The following AXDND1 variants were observed in gnomAD, a reference collection of about 807,000 sequenced individuals.
The protein encoded by AXDND1 is axonemal dynein light chain domain containing 1.
In AXDND1, 110 loss-of-function variants were observed where a neutral mutation model predicts 137.5. The ratio of observed to expected loss-of-function variants is 0.80; its 90% CI spans 0.69 to 0.94. The LOEUF is 0.94. Ranked by LOEUF, AXDND1 falls within the 40% of genes least tolerant of loss-of-function variation. AXDND1 has a pLI of 0.00. For missense variants in AXDND1, 1,191 were observed against 1,169.8 expected, an observed-to-expected ratio of 1.02 and a Z score of -0.26; for synonymous variants, 414 against 399.7, an observed-to-expected ratio of 1.04 and a Z score of -0.43.
intron 17 of AXDND1, among the ~76,000 whole-genome samples, chr1:179,469,828 T>C (rs1427054405): frequency 1.3e-5 from 2 of 152,220 alleles, no homozygotes; most frequent in Non-Finnish European, 2.9e-5. Context: ...GTATTTTCTT[T>C]GAGGGAAATT....
intron 15 of AXDND1, among the ~76,000 whole-genome samples, chr1:179,439,767 C>T (rs1658718428): frequency 6.6e-6 from 1 of 152,182 alleles, no homozygotes; most frequent in Admixed American, 6.5e-5. Flanking sequence ...TCTTTGCACT[C>T]AGGCTCAGCT....
intron 16 of AXDND1, among the ~76,000 whole-genome samples, chr1:179,457,931 T>C (rs929002256): frequency 6.6e-6 from 1 of 152,232 alleles, no homozygotes; most frequent in African/African-American, 2.4e-5. Flanking sequence ...GCTGACATTC[T>C]GAAGTGAGGA....
intron 17 of AXDND1, among the ~76,000 whole-genome samples, chr1:179,475,024 A>G (rs1450047525): frequency 1.3e-5 from 2 of 151,808 alleles, no homozygotes; most frequent in Admixed American, 6.6e-5. Context: ...AGCTTGGGCC[A>G]TTGCTTCAAA....
chr1:179,444,833 A>G (rs1571862709), intron 15 of AXDND1, 137 bp from the exon 16 acceptor site: 2 of 545,484 alleles, frequency 3.7e-6, no homozygotes, highest in East Asian at 2.9e-5. Flanking sequence ...GTCATATACC[A>G]TCTCTTTGGA....
At chr1:179,443,646 C>T (rs1659316979) in intron 15 of AXDND1, among the ~76,000 whole-genome samples, 2 of 152,144 alleles carry the variant, frequency 1.3e-5, no homozygotes, top group South Asian at 4.1e-4. Flanking sequence ...TAAGTGGAAT[C>T]ATACAGTATT....
chr1:179,498,352 C>G (rs958531459), intron 20 of AXDND1, among the ~76,000 whole-genome samples: 3 of 151,982 alleles, frequency 2.0e-5, no homozygotes, highest in African/African-American at 7.2e-5. Flanking sequence ...TGGCTTCACA[C>G]CTACCAACCA....
At chr1:179,537,215 TG>T (rs1174707749) in intron 25 of AXDND1, among the ~76,000 whole-genome samples, 1 of 152,242 alleles carries the variant, frequency 6.6e-6, no homozygotes, top group Non-Finnish European at 1.5e-5. Flanking sequence ...TTCTCTTGCC[TG>T]ATTGCCCTGG....
At chr1:179,432,069 T>C (rs1657453771) in intron 14 of AXDND1, among the ~76,000 whole-genome samples, 198 bp from the exon 15 acceptor site, 3 of 152,206 alleles carry the variant, frequency 2.0e-5, no homozygotes, top group African/African-American at 7.2e-5. Flanking sequence ...ACTTGATTGC[T>C]CAGGTCTGAA....
chr1:179,502,339 C>T (rs966087477), intron 20 of AXDND1, among the ~76,000 whole-genome samples: 3 of 151,756 alleles, frequency 2.0e-5, no homozygotes, highest in African/African-American at 2.4e-5. Context: ...CCGAGGTGGG[C>T]GGATCACCTG....
At chr1:179,408,130 C>A (rs1472089211) in intron 11 of AXDND1, among the ~76,000 whole-genome samples, 1 of 151,960 alleles carries the variant, frequency 6.6e-6, no homozygotes, top group Non-Finnish European at 1.5e-5. Context: ...TTTTATGATA[C>A]CTGTCTCTGT....
At chr1:179,494,885 A>G (rs1464741583) in intron 20 of AXDND1, among the ~76,000 whole-genome samples, 1 of 152,240 alleles carries the variant, frequency 6.6e-6, no homozygotes, top group African/African-American at 2.4e-5. Context: ...TTTTAAAAAT[A>G]TGGTGCTGGG....
intron 17 of AXDND1, among the ~76,000 whole-genome samples, chr1:179,477,190 CT>C (rs141438500): frequency 0.03 from 4,502 of 151,914 alleles, 249 homozygotes; most frequent in African/African-American, 0.1. Context: ...TCATTTATTT[CT>C]TTTTTCCAAT....
chr1:179,534,263 CAGG>C (rs1321441768), intron 24 of AXDND1, among the ~76,000 whole-genome samples: 2 of 152,110 alleles, frequency 1.3e-5, no homozygotes, highest in African/African-American at 4.8e-5. Flanking sequence ...CTGGGGATGC[CAGG>C]AGAAGAGCGT....
chr1:179,430,521 CAA>C lies in AXDND1; in HGVS notation c.1403_1404del (p.Gln468ArgfsTer17). On this transcript the variant is annotated frameshift_variant, in exon 14 of 26. Coordinates refer to ENST00000367618, the MANE Select transcript of AXDND1 (RefSeq NM_144696.6). LOFTEE classifies it high-confidence loss of function. ...GAGAAACTTAGTGAATAAACTTAAACAAGAGGTAGAACAAATGGAAGAGTCTA... is the reference window on the plus strand; with the variant it reads ...GAGAAACTTAGTGAATAAACTTAAACGAGGTAGAACAAATGGAAGAGTCTA... The part of the protein sequence containing the change: ...KWRNLVNKLK[Q>X]EVEQMEESTS... 1 of 1,613,710 alleles carries C rather than the reference CAA, an allele frequency of 6.2e-7. No individual in the cohort carries two copies. Among genetic ancestry groups the C allele is most frequent in the South Asian group, 1.1e-5 (1 of 90,972 alleles).
intron 16 of AXDND1, chr1:179,449,050 T>A (rs2125386027): frequency 2.4e-6 from 1 of 416,600 alleles, no homozygotes; most frequent in Non-Finnish European, 4.8e-6. Flanking sequence ...CACTGTTGAC[T>A]AATTTTTTTA....
chr1:179,539,480 T>C (rs529639197), intron 25 of AXDND1, among the ~76,000 whole-genome samples: 2 of 152,340 alleles, frequency 1.3e-5, no homozygotes, highest in South Asian at 2.1e-4. Context: ...AAATTCTGGG[T>C]TGAAAATTCT....
In AXDND1 at chr1:179,366,589, C is replaced by A; in HGVS notation, c.80C>A (p.Ala27Asp). The A allele has an allele frequency of 6.2e-7, 1 of 1,612,440 alleles. No homozygotes were observed. The highest frequency in any genetic ancestry group is 8.5e-7 in the Non-Finnish European group (1 of 1,178,590). The change falls in exon 2 of 26, where the codon GCC becomes GAC. Residue 27 changes from alanine to aspartate, a missense_variant. Physicochemically the swap from Ala to Asp is moderately radical, Grantham distance 126. Coordinates refer to ENST00000367618, the MANE Select transcript of AXDND1 (RefSeq NM_144696.6). ...SESKKLKVSV[A>D]KEGTRGLPEL... ...AGCAAAAAGTTAAAAGTGTCTGTAGCCAAGGAAGGGACAAGAGGTAAACTT... is the reference window on the plus strand; with the variant it reads ...AGCAAAAAGTTAAAAGTGTCTGTAGACAAGGAAGGGACAAGAGGTAAACTT...
intron 17 of AXDND1, among the ~76,000 whole-genome samples, chr1:179,469,474 A>G (rs74471593): frequency 0.03 from 4,521 of 152,208 alleles, 249 homozygotes; most frequent in African/African-American, 0.1. Context: ...ATAAACATTC[A>G]TGTGCATGCT....
intron 16 of AXDND1, among the ~76,000 whole-genome samples, chr1:179,459,892 T>A (rs1447422571): frequency 9.4e-6 from 1 of 106,626 alleles, no homozygotes; most frequent in Non-Finnish European, 1.9e-5. Flanking sequence ...CTCTTTTCTT[T>A]TCTTTCTTTC....
Sources: allele counts gnomAD v4.1 joint callset (sites outside exome capture counted in the v4.1 genomes callset), GRCh38; gene constraint gnomAD v4.1.1; transcripts MANE v1.5; gene names NCBI Gene and HGNC (gene_info 2026-07-23, HGNC 2026-07-21).